NUGGC: variants seen among roughly 807,000 people sequenced by gnomAD.
The protein encoded by NUGGC is nuclear GTPase SLIP-GC.
In NUGGC, 58 loss-of-function variants were observed where a neutral mutation model predicts 92.6. That is an observed-to-expected ratio of 0.63 (90% CI 0.51 to 0.78). The LOEUF is 0.78. Among genes scored for constraint, NUGGC ranks in the 30% least tolerant of loss-of-function variants. The pLI is 0.00. For missense variants in NUGGC, 925 were observed against 964.6 expected (o/e 0.96, Z 0.54); for synonymous variants, 376 against 366.4 (o/e 1.03, Z -0.30).
At chr8:28,033,454 AC>A (rs1431143801) in intron 14 of NUGGC, 85 bp downstream of exon 14, 2 of 1,296,840 alleles carry the variant, frequency 1.5e-6, no homozygotes, top group African/African-American at 3.0e-5. Context: ...CTTTACACTT[AC>A]AGATCCAAAG....
intron 8 of NUGGC, among the ~76,000 whole-genome samples, chr8:28,059,246 C>T (rs1810230632): frequency 6.6e-6 from 1 of 152,216 alleles, no homozygotes; most frequent in Admixed American, 6.5e-5. Flanking sequence ...CATCACATCC[C>T]GTGAGCACAC....
rs765200602 is a variant in NUGGC, at chr8:28,060,569, G to A, written c.954C>T (p.Ile318=). The A allele has an allele frequency of 8.1e-6, 13 of 1,612,700 alleles. No individual in the cohort carries two copies. The African/African-American group carries it at 1.3e-4, about 17-fold the overall frequency. The part of the protein sequence containing the change: ...TIDKCSVIWV[I]SDIERVSGGQ... ...CCCCAGAAACTCGCTCTATGTCGCT[G>A]ATCACCCAGATCACTGAGCACTTGT... The change falls in exon 8 of 19, where the codon ATC becomes ATT. Residue 318 remains isoleucine (I), a synonymous_variant. Coordinates refer to ENST00000413272, the MANE Select transcript of NUGGC (RefSeq NM_001010906.2).
At chr8:28,029,663 C>A (rs571596287) in intron 16 of NUGGC, among the ~76,000 whole-genome samples, 1 of 152,078 alleles carries the variant, frequency 6.6e-6, no homozygotes, top group Non-Finnish European at 1.5e-5. Context: ...GCACGAGAAT[C>A]GCTTCAACCC....
At position 28,023,213 on chromosome 8, in the gene NUGGC, G is replaced by T; in HGVS notation, c.*104C>A. 1 of 1,305,714 alleles carries T rather than the reference G, an allele frequency of 7.7e-7. No individual in the cohort carries two copies. Among genetic ancestry groups the T allele is most frequent in the Non-Finnish European group, 1.0e-6 (1 of 962,014 alleles). 80.9% of individuals were successfully genotyped at this position (1,305,714 alleles called of 1,614,324 possible). ...TGATGGTGCCACTGCACTCCAGCCT[G>T]GGCAACAGAGGTAGATAGATCTTGT... is the stretch of plus-strand genomic sequence containing the variant. On this transcript the variant is annotated 3_prime_UTR_variant, in exon 19 of 19. Coordinates refer to ENST00000413272, the MANE Select transcript of NUGGC (RefSeq NM_001010906.2).
intron 1 of NUGGC, among the ~76,000 whole-genome samples, chr8:28,080,678 ATATC>A (rs1810828847): frequency 6.6e-6 from 1 of 152,188 alleles, no homozygotes; most frequent in Non-Finnish European, 1.5e-5. Context: ...ATATAGATAT[ATATC>A]TTAGATGGTA....
rs1810388879 is a variant in NUGGC, at chr8:28,064,546, GC to G, written c.896del (p.Ser299ThrfsTer16). On this transcript the variant is annotated frameshift_variant, in exon 7 of 19. Transcript: ENST00000413272. LOFTEE classifies it high-confidence loss of function. ...VDIPGTGDFN[S>X]KRDEMWKKTI... ...CCTTTTTCCACATCTCGTCCCTCTTGCTGTTGAAGTCGCCTGTGCCTGGGAT... is the reference window on the plus strand; with the variant it reads ...CCTTTTTCCACATCTCGTCCCTCTTGTGTTGAAGTCGCCTGTGCCTGGGAT... 6.2e-7 allele frequency: 1 copy of G among 1,613,894 alleles called. No individual in the cohort carries two copies. The highest frequency in any genetic ancestry group is 1.7e-5 in the Admixed American group (1 of 60,002).
chr8:28,060,661 C>T lies in NUGGC; in HGVS notation c.922-60G>A, dbSNP rs1196481526. 30 of 1,500,294 alleles carry T rather than the reference C, an allele frequency of 2.0e-5. 1 individual carries two copies. Among genetic ancestry groups the T allele is most frequent in the Non-Finnish European group, 2.3e-5 (25 of 1,104,896 alleles). The allele number at this position is 1,500,294 out of a possible 1,614,324, so 92.9% of individuals were successfully genotyped here. A position where few individuals can be genotyped will look rare whatever the true frequency, so the allele number is the denominator to read the frequency against. ...GAATGGAGTCACAGTTCCTGAGGAC[C>T]GGTTCCCTAATGTATCCCTTAAGCC... is the stretch of plus-strand genomic sequence containing the variant. On this transcript the variant is annotated intron_variant, in intron 7 of 18. Transcript: ENST00000413272.
At chr8:28,071,039 A>G (rs1810579187) in intron 2 of NUGGC, among the ~76,000 whole-genome samples, 1 of 152,092 alleles carries the variant, frequency 6.6e-6, no homozygotes, top group Non-Finnish European at 1.5e-5. Flanking sequence ...CTGTCTGCCC[A>G]TAAACTCATT....
chr8:28,042,319 A>T (rs1350442366), intron 12 of NUGGC, among the ~76,000 whole-genome samples: 1 of 152,146 alleles, frequency 6.6e-6, no homozygotes, highest in Non-Finnish European at 1.5e-5. Context: ...AGTCAGAGCC[A>T]CACTCCCCAG....
At chr8:28,040,548 C>G (rs1176919316) in intron 13 of NUGGC, among the ~76,000 whole-genome samples, 12 of 152,188 alleles carry the variant, frequency 7.9e-5, no homozygotes, top group South Asian at 4.1e-4. Flanking sequence ...GAACTGTGTA[C>G]CTTCCTTGGT....
At chr8:28,024,651 C>T (rs1202117107) in intron 18 of NUGGC, among the ~76,000 whole-genome samples, 1 of 152,114 alleles carries the variant, frequency 6.6e-6, no homozygotes, top group Non-Finnish European at 1.5e-5. Context: ...TTTCTGTGCC[C>T]GAGGGTGACT....
At position 28,023,282 on chromosome 8, in the gene NUGGC, C is replaced by A; in HGVS notation, c.*35G>T. ...GTAATTCTAATTCTCTGGCTCTGGG[C>A]TGATTTTTCATCCATTGGGACTAAG... is the stretch of plus-strand genomic sequence containing the variant. On this transcript the variant is annotated 3_prime_UTR_variant, in exon 19 of 19. Coordinates refer to ENST00000413272, the MANE Select transcript of NUGGC (RefSeq NM_001010906.2). 6.3e-7 allele frequency: 1 copy of A among 1,596,928 alleles called. No homozygotes were observed. The highest frequency in any genetic ancestry group is 1.1e-5 in the South Asian group (1 of 88,822).
intron 6 of NUGGC, among the ~76,000 whole-genome samples, chr8:28,065,908 G>GAAGCCCAGGAAAAGGCAGGGGCTTGAA (rs1810429036): frequency 2.0e-5 from 3 of 152,202 alleles, no homozygotes; most frequent in Admixed American, 2.0e-4. Flanking sequence ...CCGTAAGAGA[G>GAAGCCCAGGAAAAGGCAGGGGCTTGAA]AAGCCCAGGA....
At chr8:28,073,384 G>T (rs1218702210) in intron 2 of NUGGC, among the ~76,000 whole-genome samples, 1 of 151,976 alleles carries the variant, frequency 6.6e-6, no homozygotes, top group African/African-American at 2.4e-5. Context: ...TGACCCCAAA[G>T]TGGCAGCTCT....
In NUGGC at chr8:28,045,533, G is replaced by T. The variant is rs760224945; in HGVS notation, c.1440C>A (p.Asn480Lys). 3.1e-6 allele frequency: 5 copies of T among 1,612,048 alleles called. No homozygotes were observed. Among genetic ancestry groups the T allele is most frequent in the East Asian group, 4.5e-5 (2 of 44,860 alleles). Residue 480 changes from asparagine (N) to lysine (K), a missense_variant, in exon 12 of 19, where the codon AAC becomes AAA. Asn to Lys is a moderately conservative substitution (Grantham distance 94, BLOSUM62 0). Coordinates refer to ENST00000413272, the MANE Select transcript of NUGGC (RefSeq NM_001010906.2). The part of the protein sequence containing the change: ...LLTDSFNSTQ[N>K]LPNEHLHMSV... Reference sequence around the variant, plus strand: ...AACCCAGTGTCTTCCATACCGGCAGGTTTTGCGTGGAGTTGAAACTATCTG... The same window carrying T: ...AACCCAGTGTCTTCCATACCGGCAGTTTTTGCGTGGAGTTGAAACTATCTG...
intron 13 of NUGGC, among the ~76,000 whole-genome samples, chr8:28,037,670 G>T (rs926798267): frequency 3.3e-5 from 5 of 152,182 alleles, no homozygotes; most frequent in African/African-American, 1.2e-4. Flanking sequence ...TCAGGGATTG[G>T]TTTAGAAATA....
chr8:28,045,699 A>G (rs771881300), intron 11 of NUGGC, 39 bp from the exon 12 acceptor site: 1 of 1,599,054 alleles, frequency 6.3e-7, no homozygotes, highest in East Asian at 2.2e-5. Context: ...GTTAAAGGCC[A>G]GAAGTTTGTG....
In NUGGC at chr8:28,023,331, C is replaced by CG. The variant is rs771905699; in HGVS notation, c.2376dup (p.Gly793ArgfsTer10). 1,151 of 1,612,030 alleles carry CG rather than the reference C, an allele frequency of 7.1e-4. 1 individual carries two copies. Among genetic ancestry groups the CG allele is most frequent in the Non-Finnish European group, 8.0e-4 (939 of 1,178,824 alleles). ...AGCCCCAGGAGTTACAGTGATGTCC[C>CG]GGGGGGGCCAGCCTTGCTGGGGGAT... On this transcript the variant is annotated frameshift_variant, in exon 19 of 19. Transcript: ENST00000413272. LOFTEE classifies it high-confidence loss of function.
chr8:28,076,450 C>T (rs1030258152), intron 1 of NUGGC, among the ~76,000 whole-genome samples: 3 of 152,150 alleles, frequency 2.0e-5, no homozygotes, highest in East Asian at 3.9e-4. Flanking sequence ...AGGCATTGCA[C>T]CATCATGCCT....
Sources: allele counts gnomAD v4.1 joint callset (sites outside exome capture counted in the v4.1 genomes callset), GRCh38; gene constraint gnomAD v4.1.1; transcripts MANE v1.5; gene names NCBI Gene and HGNC (gene_info 2026-07-23, HGNC 2026-07-21).